Variants in BNC2 observed in about 807,000 individuals in gnomAD.
The protein encoded by BNC2 is basonuclin zinc finger protein 2.
A neutral mutation model predicts 76.3 loss-of-function variants in BNC2; 20 were observed. The observed-to-expected ratio is 0.26, with a 90% CI of 0.18 to 0.38. The LOEUF (loss-of-function observed/expected upper bound fraction) is 0.38. Among genes scored for constraint, BNC2 ranks in the 10% least tolerant of loss-of-function variants. The pLI is 1.00. For synonymous variants in BNC2, 582 were observed against 514.8 expected (o/e 1.13, Z -1.77); for missense variants, 1,382 against 1,399.8 (o/e 0.99, Z 0.20).
intron 5 of BNC2, among the ~76,000 whole-genome samples, chr9:16,496,155 C>T (rs1563810146): frequency 2.0e-5 from 3 of 151,858 alleles, no homozygotes; most frequent in Admixed American, 1.3e-4. Context: ...GTGATCCGCC[C>T]GCCTCAGCCT....
At chr9:16,760,506 C>A (rs1825522751) in intron 1 of BNC2, among the ~76,000 whole-genome samples, 1 of 152,076 alleles carries the variant, frequency 6.6e-6, no homozygotes, top group Non-Finnish European at 1.5e-5. Context: ...GCTCCTTAGG[C>A]CCTGATAGTG....
intron 5 of BNC2, among the ~76,000 whole-genome samples, chr9:16,486,851 G>A (rs1341733900): frequency 6.6e-6 from 1 of 152,010 alleles, no homozygotes; most frequent in Non-Finnish European, 1.5e-5. Flanking sequence ...TCAGCCTCCT[G>A]AGGAGCTGGG....
At chr9:16,738,797 A>T (rs1970284) in intron 1 of BNC2, among the ~76,000 whole-genome samples, 129,529 of 143,210 alleles carry the variant, frequency 0.9, 58,659 homozygotes, top group Non-Finnish European at 0.92. Context: ...GCTGTTAGGG[A>T]ATACTAATCA....
intron 1 of BNC2, among the ~76,000 whole-genome samples, chr9:16,756,395 T>A (rs1306998277): frequency 1.3e-5 from 2 of 152,192 alleles, no homozygotes; most frequent in Non-Finnish European, 2.9e-5. Flanking sequence ...GGATCTATCC[T>A]CCATTCCTCT....
intron 5 of BNC2, among the ~76,000 whole-genome samples, chr9:16,500,233 C>G (rs573042375): frequency 1.3e-5 from 2 of 152,134 alleles, no homozygotes; most frequent in Admixed American, 6.6e-5. Context: ...AAACTCAACT[C>G]AAGTCTGATG....
chr9:16,703,740 G>A (rs574510619), intron 3 of BNC2, among the ~76,000 whole-genome samples: 7 of 152,038 alleles, frequency 4.6e-5, no homozygotes, highest in Non-Finnish European at 7.4e-5. Context: ...TCTATAAATA[G>A]GGCACACGGG....
rs182598626 is a variant in BNC2, at chr9:16,784,564, G to A, written c.4-46079C>T. On this transcript the variant is annotated intron_variant, in intron 1 of 6. Coordinates refer to ENST00000380672, the MANE Select transcript of BNC2 (RefSeq NM_017637.6). ...AAAGGTAAGCAAGCCTACACTCAAG[G>A]AGGGATACTGAGCACAGAGGTAAGG... Among the ~76,000 whole-genome samples, 16 of 152,292 alleles carry A rather than the reference G, an allele frequency of 1.1e-4. No individual in the cohort carries two copies. In the East Asian group the frequency reaches 2.9e-3, roughly 28 times the overall value.
At position 16,500,183 on chromosome 9, in the gene BNC2, A is replaced by G. The variant is rs2131762412; in HGVS notation, c.669+52347T>C. ...TCCCTCTCTCCTCTACCCCTTTTCA[A>G]GACTATTCTCCTCACCATTCAGAAT... On this transcript the variant is annotated intron_variant, in intron 5 of 6. Transcript: ENST00000380672. Among the ~76,000 whole-genome samples the G allele has an allele frequency of 2.0e-5, 3 of 151,938 alleles. No individual in the cohort carries two copies. The Middle Eastern group carries it at 0.01, about 517-fold the overall frequency.
chr9:16,864,663 G>A (rs948511530), intron 1 of BNC2, among the ~76,000 whole-genome samples: 1 of 152,166 alleles, frequency 6.6e-6, no homozygotes, highest in Non-Finnish European at 1.5e-5. Flanking sequence ...ATATCAACAT[G>A]TGGCACATGT....
chr9:16,743,864 A>G (rs564584101), intron 1 of BNC2, among the ~76,000 whole-genome samples: 30 of 152,330 alleles, frequency 2.0e-4, no homozygotes, highest in African/African-American at 7.2e-4. Flanking sequence ...ACCCCAGGGG[A>G]AAAACCTAAA....
chr9:16,788,808 C>G (rs1047522896), intron 1 of BNC2, among the ~76,000 whole-genome samples: 1 of 152,082 alleles, frequency 6.6e-6, no homozygotes, highest in East Asian at 1.9e-4. Context: ...GCAGGACAAT[C>G]CCACACTCCT....
intron 3 of BNC2, among the ~76,000 whole-genome samples, chr9:16,717,292 T>C (rs1180471058): frequency 1.3e-5 from 2 of 152,210 alleles, no homozygotes; most frequent in African/African-American, 4.8e-5. Context: ...AAATGCCTTG[T>C]TGTAATCCAA....
At chr9:16,780,445 G>A (rs1007930575) in intron 1 of BNC2, among the ~76,000 whole-genome samples, 3 of 150,936 alleles carry the variant, frequency 2.0e-5, no homozygotes, top group South Asian at 2.1e-4. Flanking sequence ...AGTGGCGGGC[G>A]CCTGTAGTCC....
At chr9:16,677,613 A>C (rs1003463481) in intron 3 of BNC2, among the ~76,000 whole-genome samples, 3 of 151,844 alleles carry the variant, frequency 2.0e-5, no homozygotes, top group African/African-American at 7.3e-5. Flanking sequence ...ACACAGTAGC[A>C]ATATCCTGAC....
intron 1 of BNC2, among the ~76,000 whole-genome samples, chr9:16,766,893 C>CTCCCCTA (rs1237706011): frequency 1.3e-5 from 2 of 152,190 alleles, no homozygotes; most frequent in Admixed American, 1.3e-4. Flanking sequence ...AAAAAAACAA[C>CTCCCCTA]TCCCCTACCC....
intron 1 of BNC2, among the ~76,000 whole-genome samples, chr9:16,863,749 G>GT (rs1206123787): frequency 1.3e-5 from 2 of 152,106 alleles, no homozygotes; most frequent in African/African-American, 4.8e-5. Context: ...CCTAAAAGAG[G>GT]TAAGGTCAAG....
At chr9:16,632,665 A>C (rs898144331) in intron 3 of BNC2, among the ~76,000 whole-genome samples, 14 of 152,202 alleles carry the variant, frequency 9.2e-5, no homozygotes, top group African/African-American at 1.9e-4. Context: ...TAGGTCTAGA[A>C]CACATCTTTG....
intron 5 of BNC2, among the ~76,000 whole-genome samples, chr9:16,511,539 T>C (rs1822756496): frequency 7.0e-6 from 1 of 143,084 alleles, no homozygotes; most frequent in African/African-American, 2.6e-5. Flanking sequence ...GTGATCCTCC[T>C]ACCTCATTCT....
chr9:16,707,110 G>A (rs1823698724), intron 3 of BNC2, among the ~76,000 whole-genome samples: 1 of 152,084 alleles, frequency 6.6e-6, no homozygotes, highest in Non-Finnish European at 1.5e-5. Flanking sequence ...GCTGAGGCAG[G>A]AGAATGGTGT....
Sources: allele counts gnomAD v4.1 joint callset (sites outside exome capture counted in the v4.1 genomes callset), GRCh38; gene constraint gnomAD v4.1.1; transcripts MANE v1.5; gene names NCBI Gene and HGNC (gene_info 2026-07-23, HGNC 2026-07-21).